The following KCNH1 variants were observed in gnomAD, a reference collection of about 807,000 sequenced individuals.
KCNH1 encodes the protein potassium voltage-gated channel subfamily H member 1.
A neutral mutation model predicts 69.2 loss-of-function variants in KCNH1; 27 were observed. The observed-to-expected ratio is 0.39, with a 90% CI of 0.29 to 0.54. The LOEUF is 0.54. Ranked by LOEUF, KCNH1 falls within the 20% of genes least tolerant of loss-of-function variation. The pLI is 0.68. For synonymous variants in KCNH1, 456 were observed against 487.7 expected (o/e 0.93, Z 0.86); for missense variants, 798 against 1,261.6 (o/e 0.63, Z 5.57).
intron 6 of KCNH1, among the ~76,000 whole-genome samples, chr1:210,972,157 C>T: frequency 6.6e-6 from 1 of 152,080 alleles, no homozygotes; most frequent in East Asian, 1.9e-4. Flanking sequence ...AAACACCACC[C>T]ACCAAGTTCT....
intron 9 of KCNH1, among the ~76,000 whole-genome samples, chr1:210,778,393 T>A (rs1257810998): frequency 2.6e-5 from 4 of 152,208 alleles, no homozygotes; most frequent in Non-Finnish European, 4.4e-5. Flanking sequence ...CATGGTGGCA[T>A]GCACCTGTAG....
Position 211,111,351 on chromosome 1 carries a change from G to A in KCNH1, c.80-3974C>T, listed in dbSNP as rs534649120. Among the ~76,000 whole-genome samples the A allele has an allele frequency of 1.6e-4, 23 of 143,454 alleles. No homozygotes were observed. In the East Asian group the frequency reaches 3.9e-3, roughly 24 times the overall value. The allele number at this position is 143,454 out of a possible 152,430, so 94.1% of individuals were successfully genotyped here. A position where few individuals can be genotyped will look rare whatever the true frequency, so the allele number is the denominator to read the frequency against. The stretch of plus-strand genomic sequence containing the variant: ...AGCGCCTCTGCCCGGCCCCCCCACC[G>A]TCTGGGAAGTGAGGAGCACCTCTGC... On this transcript the variant is annotated intron_variant, in intron 1 of 10. Coordinates refer to ENST00000271751, the MANE Select transcript of KCNH1 (RefSeq NM_172362.3).
intron 7 of KCNH1, among the ~76,000 whole-genome samples, chr1:210,838,793 C>T (rs2102450278): frequency 6.6e-6 from 1 of 152,076 alleles, no homozygotes; most frequent in East Asian, 1.9e-4. Flanking sequence ...ATTCATGTGG[C>T]CAAAAAACAT....
chr1:210,996,114 T>C (rs374750777), intron 6 of KCNH1, among the ~76,000 whole-genome samples: 210 of 152,256 alleles, frequency 1.4e-3, no homozygotes, highest in African/African-American at 4.8e-3. Flanking sequence ...TTCATCTCAC[T>C]AGGGAGTGCC....
chr1:210,873,854 G>T (rs1686306582), intron 7 of KCNH1, among the ~76,000 whole-genome samples: 2 of 152,140 alleles, frequency 1.3e-5, no homozygotes, highest in Admixed American at 1.3e-4. Context: ...TAGACAATGA[G>T]ATAGTAGTGA....
chr1:210,687,257 C>T (rs1360874885), intron 10 of KCNH1, among the ~76,000 whole-genome samples: 1 of 152,206 alleles, frequency 6.6e-6, no homozygotes, highest in African/African-American at 2.4e-5. Flanking sequence ...GTGGGAGTTC[C>T]TCTTTGAGGG....
At chr1:210,824,519 G>A (rs985064260) in intron 7 of KCNH1, among the ~76,000 whole-genome samples, 10 of 152,034 alleles carry the variant, frequency 6.6e-5, no homozygotes, top group African/African-American at 2.4e-4. Flanking sequence ...GCTTTACATT[G>A]CCAAATCTTT....
chr1:210,689,898 C>G (rs944208264), intron 10 of KCNH1, among the ~76,000 whole-genome samples: 1 of 152,236 alleles, frequency 6.6e-6, no homozygotes, highest in Admixed American at 6.5e-5. Flanking sequence ...CAGCCTGACC[C>G]AGGTCTGCTG....
At chr1:210,936,132 G>A (rs1475790532) in intron 6 of KCNH1, among the ~76,000 whole-genome samples, 2 of 152,174 alleles carry the variant, frequency 1.3e-5, no homozygotes, top group Non-Finnish European at 2.9e-5. Context: ...AGGCTTCCAG[G>A]TCTGTATGGA....
At chr1:210,717,563 C>T (rs1682291095) in intron 10 of KCNH1, among the ~76,000 whole-genome samples, 5 of 152,204 alleles carry the variant, frequency 3.3e-5, no homozygotes. Context: ...GCTAGGAACA[C>T]TCCTTGCACA....
intron 7 of KCNH1, among the ~76,000 whole-genome samples, chr1:210,844,824 T>C (rs375435534): frequency 6.6e-6 from 1 of 151,974 alleles, no homozygotes; most frequent in Non-Finnish European, 1.5e-5. Flanking sequence ...AATTGATAGA[T>C]CGCTAGCAAG....
rs577334027 is a variant in KCNH1 at position 210,682,111 on chromosome 1, C to T, written c.*1170G>A. On this transcript the variant is annotated 3_prime_UTR_variant, in exon 11 of 11. Coordinates refer to ENST00000271751, the MANE Select transcript of KCNH1 (RefSeq NM_172362.3). ...TCACTGCTTCATTCTCTTTCCAGCT[C>T]CTGAAGAGAGTACAATCATGATCCT... 6.6e-6 allele frequency: 1 copy of T among 152,290 alleles called. No homozygotes were observed. The highest frequency in any genetic ancestry group is 2.4e-5 in the African/African-American group (1 of 41,564). 9.4% of individuals were successfully genotyped at this position (152,290 alleles called of 1,614,324 possible).
intron 6 of KCNH1, among the ~76,000 whole-genome samples, chr1:210,969,508 C>T (rs1395332002): frequency 2.0e-5 from 3 of 151,948 alleles, no homozygotes; most frequent in South Asian, 2.1e-4. Context: ...TTAATTGAGT[C>T]GTTTATCTCC....
chr1:210,715,717 T>C (rs1265102668), intron 10 of KCNH1, among the ~76,000 whole-genome samples: 1 of 152,086 alleles, frequency 6.6e-6, no homozygotes, highest in East Asian at 1.9e-4. Context: ...CTAGCCCAAT[T>C]TTAGCAACAA....
chr1:210,797,842 G>A lies in KCNH1; in HGVS notation c.1663-82C>T, dbSNP rs975356153. The A allele has an allele frequency of 3.3e-6, 5 of 1,495,544 alleles. No homozygotes were observed. The African/African-American group carries it at 5.5e-5, about 17-fold the overall frequency. 92.6% of individuals were successfully genotyped at this position (1,495,544 alleles called of 1,614,324 possible). A position where few individuals can be genotyped will look rare whatever the true frequency, so the allele number is the denominator to read the frequency against. ...ATCCTTCAGCACTCTAGGGGGAGGA[G>A]CAACATCCACTACGCCAGACTGCAC... is the stretch of plus-strand genomic sequence containing the variant. On this transcript the variant is annotated intron_variant, in intron 8 of 10. Transcript: ENST00000271751.
intron 6 of KCNH1, among the ~76,000 whole-genome samples, chr1:210,970,819 C>T (rs1688498798): frequency 6.6e-6 from 1 of 152,068 alleles, no homozygotes; most frequent in Non-Finnish European, 1.5e-5. Flanking sequence ...AGCTCCTGCA[C>T]AGCAAAAGAA....
chr1:210,728,323 G>T (rs1953952), intron 10 of KCNH1, among the ~76,000 whole-genome samples: 71 of 152,108 alleles, frequency 4.7e-4, no homozygotes, highest in African/African-American at 1.7e-3. Context: ...CATTTCCAGT[G>T]CCTGGCACAT....
rs71134652 is a variant in KCNH1 at position 211,045,041 on chromosome 1, G to GATATATATATATATATATAT, written c.559-25786_559-25785insATATATATATATATATATAT. Reference sequence around the variant, plus strand: ...ATCAATGTGTGGATAAATTGTGGGGGATATATATATATATATATGAATAAT... The same window carrying GATATATATATATATATATAT: ...ATCAATGTGTGGATAAATTGTGGGGGATATATATATATATATATATATATATATATATATATATGAATAAT... On this transcript the variant is annotated intron_variant, in intron 5 of 10. Transcript: ENST00000271751. Among the ~76,000 whole-genome samples, 581 of 81,634 alleles carry GATATATATATATATATATAT rather than the reference G, an allele frequency of 7.1e-3. 53 individuals carry two copies. Among genetic ancestry groups the GATATATATATATATATATAT allele is most frequent in the South Asian group, 0.013 (27 of 2,010 alleles). 53.6% of individuals were successfully genotyped at this position (81,634 alleles called of 152,430 possible).
At chr1:210,853,492 G>A (rs762693512) in intron 7 of KCNH1, among the ~76,000 whole-genome samples, 3 of 152,138 alleles carry the variant, frequency 2.0e-5, no homozygotes, top group Non-Finnish European at 2.9e-5. Flanking sequence ...CTTTCCAATG[G>A]ATCTCAAATC....
Sources: gnomAD v4.1 joint callset for allele counts (sites outside exome capture counted in the v4.1 genomes callset) on GRCh38, gnomAD v4.1.1 for gene constraint, MANE v1.5 for transcripts, NCBI Gene and HGNC (gene_info 2026-07-23, HGNC 2026-07-21) for gene names.